PTPRD: variants seen among roughly 807,000 people sequenced by gnomAD.
The protein encoded by PTPRD is protein tyrosine phosphatase receptor type D, also known as receptor-type tyrosine-protein phosphatase delta.
PTPRD carries 34 observed loss-of-function variants against 214.5 expected under a neutral mutation model. The ratio of observed to expected loss-of-function variants is 0.16; its 90% CI spans 0.12 to 0.21. The LOEUF is 0.21. Ranked by LOEUF, PTPRD falls within the 10% of genes least tolerant of loss-of-function variation. The pLI is 1.00. For missense variants in PTPRD, 2,545 were observed against 2,398.7 expected (o/e 1.06, Z -1.27); for synonymous variants, 1,128 against 845.7 (o/e 1.33, Z -5.79).
chr9:9,209,000 G>A (rs373693871), intron 9 of PTPRD, among the ~76,000 whole-genome samples: 2 of 151,956 alleles, frequency 1.3e-5, no homozygotes, highest in Admixed American at 6.6e-5. Context: ...AGTAGAGACA[G>A]GGTTTCACCA....
At chr9:9,346,296 T>A (rs2048773692) in intron 9 of PTPRD, among the ~76,000 whole-genome samples, 1 of 152,126 alleles carries the variant, frequency 6.6e-6, no homozygotes, top group Non-Finnish European at 1.5e-5. Context: ...AAGTTTACAA[T>A]CAATTAGAAA....
intron 9 of PTPRD, among the ~76,000 whole-genome samples, chr9:9,357,796 T>A (rs1200459798): frequency 6.6e-6 from 1 of 151,324 alleles, no homozygotes; most frequent in South Asian, 2.1e-4. Flanking sequence ...TGGAATATAT[T>A]TGACATTATA....
intron 2 of PTPRD, among the ~76,000 whole-genome samples, chr9:10,374,153 C>G (rs1181240743): frequency 6.6e-6 from 1 of 152,016 alleles, no homozygotes; most frequent in Non-Finnish European, 1.5e-5. Flanking sequence ...CAAATACCAA[C>G]ATAGTTATTA....
intron 2 of PTPRD, among the ~76,000 whole-genome samples, chr9:10,442,578 C>A (rs1176340868): frequency 6.6e-6 from 1 of 151,484 alleles, no homozygotes; most frequent in Admixed American, 6.6e-5. Flanking sequence ...GGTAAATTAA[C>A]AAAGCAAGGG....
chr9:10,330,819 C>T lies in PTPRD; in HGVS notation c.-545+10144G>A, dbSNP rs544216646. Among the ~76,000 whole-genome samples the T allele has an allele frequency of 9.2e-5, 14 of 151,942 alleles. 1 individual carries two copies. Among genetic ancestry groups the T allele is most frequent in the African/African-American group, 3.1e-4 (13 of 41,514 alleles). ...GCAAAAAGCCATGTAACCCCTTAAG[C>T]TCCTTTGATTCTCCTTCTCATACTT... On this transcript the variant is annotated intron_variant, in intron 3 of 45. Transcript: ENST00000381196.
chr9:9,574,998 G>T (rs1269242052), intron 7 of PTPRD, among the ~76,000 whole-genome samples: 1 of 152,072 alleles, frequency 6.6e-6, no homozygotes, highest in African/African-American at 2.4e-5. Context: ...GCTCTTTAAT[G>T]CAGTGATGAC....
intron 2 of PTPRD, among the ~76,000 whole-genome samples, chr9:10,556,556 A>C (rs1464228436): frequency 6.6e-6 from 1 of 152,142 alleles, no homozygotes; most frequent in Non-Finnish European, 1.5e-5. Context: ...TCAAAAGTTT[A>C]AAAGTCCTTA....
At chr9:9,084,872 T>A (rs1050715738) in intron 10 of PTPRD, among the ~76,000 whole-genome samples, 14 of 152,192 alleles carry the variant, frequency 9.2e-5, no homozygotes, top group African/African-American at 2.9e-4. Flanking sequence ...TTATTTTCTC[T>A]AATGTTTAAA....
At chr9:10,553,891 A>T (rs1008540367) in intron 2 of PTPRD, among the ~76,000 whole-genome samples, 17 of 152,192 alleles carry the variant, frequency 1.1e-4, no homozygotes, top group African/African-American at 4.1e-4. Flanking sequence ...TAAATTACTG[A>T]GTTAAAGTAT....
At chr9:8,581,898 G>A (rs945710682) in intron 14 of PTPRD, among the ~76,000 whole-genome samples, 1 of 76,596 alleles carries the variant, frequency 1.3e-5, no homozygotes, top group African/African-American at 5.9e-5. Context: ...GGATGACAGA[G>A]CATGACTCAA....
At chr9:8,383,542 T>C (rs985952121) in intron 37 of PTPRD, among the ~76,000 whole-genome samples, 3 of 152,174 alleles carry the variant, frequency 2.0e-5, no homozygotes, top group Admixed American at 1.3e-4. Flanking sequence ...GCTTTACTAA[T>C]ATATGGCATC....
intron 7 of PTPRD, among the ~76,000 whole-genome samples, chr9:9,607,055 A>C (rs1360889135): frequency 1.3e-5 from 2 of 150,234 alleles, no homozygotes; most frequent in East Asian, 3.9e-4. Flanking sequence ...ATTCACCCTT[A>C]AATGGAAACT....
intron 35 of PTPRD, among the ~76,000 whole-genome samples, chr9:8,411,409 T>C (rs2093511304): frequency 6.6e-6 from 1 of 152,124 alleles, no homozygotes; most frequent in African/African-American, 2.4e-5. Flanking sequence ...GTTCAAGCAA[T>C]TCTCCTGCCT....
chr9:9,182,209 G>T (rs981936719), intron 10 of PTPRD, among the ~76,000 whole-genome samples: 2 of 151,958 alleles, frequency 1.3e-5, no homozygotes, highest in African/African-American at 4.8e-5. Context: ...CATCTTATTT[G>T]ACTTCAGTGG....
rs1241498928 is a variant in PTPRD at position 8,730,643 on chromosome 9, C to T, written c.64+3137G>A. On this transcript the variant is annotated intron_variant, in intron 12 of 45. Coordinates refer to ENST00000381196, the MANE Select transcript of PTPRD (RefSeq NM_002839.4). ...TTTTTAAAGACTGGTAAATAGCAAA[C>T]GAAATTTATGTATGAAATACAACTA... 9.2e-5 allele frequency among the ~76,000 whole-genome samples: 14 copies of T among 152,136 alleles called. No homozygotes were observed. In the East Asian group the frequency reaches 1.5e-3, roughly 17 times the overall value.
At chr9:8,931,378 T>A (rs2098951398) in intron 11 of PTPRD, among the ~76,000 whole-genome samples, 1 of 152,124 alleles carries the variant, frequency 6.6e-6, no homozygotes, top group African/African-American at 2.4e-5. Flanking sequence ...TGTAGTATAG[T>A]TTGAAGTCAG....
At position 8,331,846 on chromosome 9, in the gene PTPRD, A is replaced by T. The variant is rs752444237; in HGVS notation, c.5380-110T>A. On this transcript the variant is annotated intron_variant, in intron 43 of 45. Coordinates refer to ENST00000381196, the MANE Select transcript of PTPRD (RefSeq NM_002839.4). ...TTCATTTCCCGAAAACAAAAAGGGT[A>T]GAAAAAGTTAGGAACATGTTTAAAT... 3.8e-6 allele frequency: 5 copies of T among 1,305,816 alleles called. No homozygotes were observed. The African/African-American group carries it at 7.4e-5, about 19-fold the overall frequency. 80.9% of individuals were successfully genotyped at this position (1,305,816 alleles called of 1,614,324 possible). A position where few individuals can be genotyped will look rare whatever the true frequency, so the allele number is the denominator to read the frequency against.
intron 7 of PTPRD, among the ~76,000 whole-genome samples, chr9:9,575,938 C>G (rs551443289): frequency 1.3e-5 from 2 of 151,848 alleles, no homozygotes; most frequent in Non-Finnish European, 2.9e-5. Flanking sequence ...AATATTTAAC[C>G]TCTGCCCTCA....
At chr9:8,650,227 T>G in intron 12 of PTPRD, among the ~76,000 whole-genome samples, 1 of 151,834 alleles carries the variant, frequency 6.6e-6, no homozygotes, top group Non-Finnish European at 1.5e-5. Context: ...GGGCAACTTA[T>G]TAATAAGAAT....
Sources: allele counts gnomAD v4.1 joint callset (sites outside exome capture counted in the v4.1 genomes callset), GRCh38; gene constraint gnomAD v4.1.1; transcripts MANE v1.5; gene names NCBI Gene and HGNC (gene_info 2026-07-23, HGNC 2026-07-21).